Variants in SORCS2 observed in about 807,000 individuals in gnomAD.
SORCS2 encodes the protein sortilin related VPS10 domain containing receptor 2.
Under a neutral mutation model 141.6 loss-of-function variants are expected in SORCS2, and 100 were observed. That is an observed-to-expected ratio of 0.71 (90% CI 0.60 to 0.83). The LOEUF (loss-of-function observed/expected upper bound fraction) is 0.83, where lower values mean the gene tolerates loss of function less well. SORCS2 is among the 40% of genes least tolerant of loss of function. The pLI is 0.00. For synonymous variants in SORCS2, 789 were observed against 676.9 expected, an observed-to-expected ratio of 1.17 and a Z score of -2.57; for missense variants, 1,646 against 1,560.2, an observed-to-expected ratio of 1.05 and a Z score of -0.93.
At chr4:7,388,588 T>C (rs899382695) in intron 1 of SORCS2, among the ~76,000 whole-genome samples, 15 of 152,126 alleles carry the variant, frequency 9.9e-5, no homozygotes, top group African/African-American at 3.1e-4. Flanking sequence ...TGATCACATT[T>C]CCTGTGTTTC....
At chr4:7,417,359 C>A (rs756525279) in intron 2 of SORCS2, among the ~76,000 whole-genome samples, 2 of 152,106 alleles carry the variant, frequency 1.3e-5, no homozygotes, top group Non-Finnish European at 2.9e-5. Flanking sequence ...TGGGAGCTGA[C>A]AGGATTGCAT....
intron 2 of SORCS2, among the ~76,000 whole-genome samples, chr4:7,460,842 C>T (rs1012552682): frequency 6.6e-6 from 1 of 152,196 alleles, no homozygotes; most frequent in Non-Finnish European, 1.5e-5. Context: ...GCCGTGAACT[C>T]ACAGTCGCCT....
intron 3 of SORCS2, among the ~76,000 whole-genome samples, chr4:7,586,434 T>C (rs947512227): frequency 6.6e-6 from 1 of 152,172 alleles, no homozygotes; most frequent in Non-Finnish European, 1.5e-5. Context: ...ATCACCCAGG[T>C]ATTAAGCCCA....
chr4:7,712,763 T>A lies in SORCS2; in HGVS notation c.1899T>A (p.Asp633Glu), dbSNP rs4689833. The A allele has an allele frequency of 6.2e-7, 1 of 1,613,696 alleles. No homozygotes were observed. Among genetic ancestry groups the A allele is most frequent in the African/African-American group, 1.3e-5 (1 of 74,878 alleles). ...TTGGCCACATCAGCTTCCGCTCCGA[T>A]TGGGAGCTGGTCAAGGTGGACTTCC... ...TVFGHISFRS[D>E]WELVKVDFRP... Residue 633 changes from aspartate (D) to glutamate (E), a missense_variant, in exon 15 of 27, where the codon GAT becomes GAA. Coordinates refer to ENST00000507866, the MANE Select transcript of SORCS2 (RefSeq NM_020777.3).
In SORCS2 at chr4:7,724,136, G is replaced by A. The variant is rs371841629; in HGVS notation, c.2611+253G>A. Among the ~76,000 whole-genome samples the A allele has an allele frequency of 9.7e-3, 1,241 of 127,716 alleles. 15 individuals are homozygous for A. The highest frequency in any genetic ancestry group is 0.031 in the African/African-American group (1,106 of 35,468). 83.8% of individuals were successfully genotyped at this position (127,716 alleles called of 152,430 possible). A position where few individuals can be genotyped will look rare whatever the true frequency, so the allele number is the denominator to read the frequency against. On this transcript the variant is annotated intron_variant, in intron 19 of 26. Transcript: ENST00000507866. ...GGTGATGGTGGTGGTGGTGGTGGTG[G>A]TGGTGATGGTCGTGGTGGTGGTGGT... is the stretch of plus-strand genomic sequence containing the variant.
intron 2 of SORCS2, among the ~76,000 whole-genome samples, chr4:7,428,249 G>A (rs1002954242): frequency 1.3e-5 from 2 of 152,216 alleles, no homozygotes; most frequent in African/African-American, 2.4e-5. Flanking sequence ...TATGGCCACA[G>A]CTAGGCCTTG....
intron 2 of SORCS2, among the ~76,000 whole-genome samples, chr4:7,494,829 C>T (rs1203052398): frequency 6.6e-6 from 1 of 152,222 alleles, no homozygotes; most frequent in Non-Finnish European, 1.5e-5. Flanking sequence ...CTGACTTCTG[C>T]AGCAAGGAGC....
At chr4:7,480,503 G>A (rs1180929429) in intron 2 of SORCS2, among the ~76,000 whole-genome samples, 2 of 152,206 alleles carry the variant, frequency 1.3e-5, no homozygotes, top group Non-Finnish European at 2.9e-5. Flanking sequence ...CAGCGTGCTG[G>A]GAGTGCAGGC....
chr4:7,434,189 A>G, intron 2 of SORCS2: 1 of 1,613,840 alleles, frequency 6.2e-7, no homozygotes, highest in South Asian at 1.1e-5. Flanking sequence ...GGGACAAAAA[A>G]CTGGAAGAGG....
chr4:7,448,465 CTCTCCCTTCCTTCTTCCATG>C (rs1351653086), intron 2 of SORCS2, among the ~76,000 whole-genome samples: 5 of 138,714 alleles, frequency 3.6e-5, no homozygotes, highest in African/African-American at 1.3e-4. Flanking sequence ...TTCCCTCCCT[CTCTCCCTTCCTTCTTCCATG>C]TCTCCCTTCC....
intron 1 of SORCS2, among the ~76,000 whole-genome samples, chr4:7,366,098 G>A (rs760549556): frequency 7.9e-5 from 12 of 152,020 alleles, no homozygotes; most frequent in Non-Finnish European, 1.8e-4. Context: ...GAGGAGTGCC[G>A]GGGGGTGGGG....
At chr4:7,697,369 C>A in intron 12 of SORCS2, 95 bp downstream of exon 12, 2 of 1,100,256 alleles carry the variant, frequency 1.8e-6, no homozygotes, top group South Asian at 1.5e-5. Flanking sequence ...ATTCCAGAGG[C>A]TCTGTGGGAG....
chr4:7,516,516 C>T (rs532862663), intron 2 of SORCS2, among the ~76,000 whole-genome samples: 25 of 151,976 alleles, frequency 1.6e-4, no homozygotes, highest in Admixed American at 5.9e-4. Context: ...TTGGCTGTTG[C>T]GTCTGCAGAT....
chr4:7,740,561 G>T lies in SORCS2; in HGVS notation c.*297G>T, dbSNP rs760172824. 2.2e-5 allele frequency: 10 copies of T among 463,466 alleles called. No individual in the cohort carries two copies. The highest frequency in any genetic ancestry group is 4.0e-5 in the Non-Finnish European group (10 of 251,252). The allele number at this position is 463,466 out of a possible 1,614,324, so 28.7% of individuals were successfully genotyped here. A position where few individuals can be genotyped will look rare whatever the true frequency, so the allele number is the denominator to read the frequency against. On this transcript the variant is annotated 3_prime_UTR_variant, in exon 27 of 27. Coordinates refer to ENST00000507866, the MANE Select transcript of SORCS2 (RefSeq NM_020777.3). ...CGGCCGCCCCACGTGCTGTCGCTCA[G>T]CCCGAGGCCTGACTTCTCTGGGCTG...
chr4:7,231,848 G>A (rs562089933), intron 1 of SORCS2, among the ~76,000 whole-genome samples: 1 of 152,322 alleles, frequency 6.6e-6, no homozygotes, highest in African/African-American at 2.4e-5. Flanking sequence ...ACGAGGACAA[G>A]GATATAAGTG....
chr4:7,403,997 A>ATATATATATATATATTTT (rs1265288820), intron 2 of SORCS2, among the ~76,000 whole-genome samples: 7 of 18,980 alleles, frequency 3.7e-4, no homozygotes, highest in Non-Finnish European at 6.2e-4. Context: ...ATATATATAT[A>ATATATATATATATATTTT]TTTTTTTTTT....
intron 1 of SORCS2, among the ~76,000 whole-genome samples, chr4:7,225,682 G>A (rs1728949845): frequency 6.6e-6 from 1 of 152,130 alleles, no homozygotes. Context: ...GGGGCTGCAT[G>A]GATGTCTCTA....
chr4:7,392,112 G>C (rs1041098609), intron 1 of SORCS2, among the ~76,000 whole-genome samples: 1 of 152,238 alleles, frequency 6.6e-6, no homozygotes, highest in African/African-American at 2.4e-5. Context: ...TGGCTGCGCA[G>C]GTTGCAGACC....
intron 3 of SORCS2, among the ~76,000 whole-genome samples, chr4:7,611,387 C>T (rs1187740701): frequency 3.3e-5 from 5 of 152,170 alleles, no homozygotes; most frequent in African/African-American, 1.2e-4. Context: ...GACCTACCTG[C>T]ACATAGATTC....
Sources: gnomAD v4.1 joint callset for allele counts (sites outside exome capture counted in the v4.1 genomes callset) on GRCh38, gnomAD v4.1.1 for gene constraint, MANE v1.5 for transcripts, NCBI Gene and HGNC (gene_info 2026-07-23, HGNC 2026-07-21) for gene names.